The following TLN2 variants were observed in gnomAD, a reference collection of about 807,000 sequenced individuals.
TLN2 encodes talin 2, also known as talin-2.
Under a neutral mutation model 294.7 loss-of-function variants are expected in TLN2, and 118 were observed. The observed-to-expected ratio is 0.40, with a 90% CI of 0.34 to 0.47. The LOEUF (loss-of-function observed/expected upper bound fraction) is 0.47, where lower values mean the gene tolerates loss of function less well. Ranked by LOEUF, TLN2 falls within the 20% of genes least tolerant of loss-of-function variation. TLN2 has a pLI of 0.84. For missense variants in TLN2, 3,083 were observed against 3,282.2 expected (o/e 0.94, Z 1.48); for synonymous variants, 1,431 against 1,304.5 (o/e 1.10, Z -2.09).
At chr15:62,591,271 C>T (rs965108972) in intron 2 of TLN2, among the ~76,000 whole-genome samples, 2 of 152,186 alleles carry the variant, frequency 1.3e-5, no homozygotes, top group Non-Finnish European at 2.9e-5. Context: ...AGTCCAGTGA[C>T]TAGCAGCCAT....
intron 3 of TLN2, among the ~76,000 whole-genome samples, chr15:62,645,758 A>C (rs931997093): frequency 1.3e-5 from 2 of 152,200 alleles, no homozygotes; most frequent in Admixed American, 1.3e-4. Context: ...GTTCTCTCAT[A>C]AAACACAAGA....
intron 44 of TLN2, among the ~76,000 whole-genome samples, chr15:62,782,650 C>T (rs541661181): frequency 2.2e-4 from 33 of 152,304 alleles, no homozygotes; most frequent in African/African-American, 7.7e-4. Context: ...GTTGGCAGGT[C>T]GCAGTGGAGC....
At position 62,643,934 on chromosome 15, in the gene TLN2, T is replaced by C. The variant is rs1314955243; in HGVS notation, c.-36-3341T>C. Among the ~76,000 whole-genome samples the C allele has an allele frequency of 2.0e-5, 3 of 152,064 alleles. No individual in the cohort carries two copies. In the East Asian group the frequency reaches 5.8e-4, roughly 29 times the overall value. On this transcript the variant is annotated intron_variant, in intron 3 of 58. Coordinates refer to ENST00000636159, the MANE Select transcript of TLN2 (RefSeq NM_015059.3). Reference sequence around the variant, plus strand: ...GACTGTCTCTAGGACTATAATAAGGTGGAAACCATGTCTATGTAGATAACT... The same window carrying C: ...GACTGTCTCTAGGACTATAATAAGGCGGAAACCATGTCTATGTAGATAACT...
At chr15:62,509,058 T>C (rs967296138) in intron 1 of TLN2, among the ~76,000 whole-genome samples, 9 of 152,202 alleles carry the variant, frequency 5.9e-5, no homozygotes, top group African/African-American at 1.9e-4. Flanking sequence ...ATAAAGAAAC[T>C]AAACTATAGA....
chr15:62,576,497 A>G (rs1398423006), intron 1 of TLN2, among the ~76,000 whole-genome samples: 1 of 151,778 alleles, frequency 6.6e-6, no homozygotes, highest in African/African-American at 2.4e-5. Flanking sequence ...TAGACTGGCC[A>G]TCTCATCCAA....
Position 62,732,162 on chromosome 15 carries a change from A to G in TLN2, c.3359-4716A>G, listed in dbSNP as rs529725489. Among the ~76,000 whole-genome samples the G allele has an allele frequency of 2.6e-5, 4 of 152,338 alleles. No individual in the cohort carries two copies. The South Asian group carries it at 8.3e-4, about 32-fold the overall frequency. Reference sequence around the variant, plus strand: ...GGTAATATGAGAGATTTAAATTTCAAAAATGTCTACACTTTCCCGAAATCT... The same window carrying G: ...GGTAATATGAGAGATTTAAATTTCAGAAATGTCTACACTTTCCCGAAATCT... On this transcript the variant is annotated intron_variant, in intron 28 of 58. Coordinates refer to ENST00000636159, the MANE Select transcript of TLN2 (RefSeq NM_015059.3).
intron 16 of TLN2, 49 bp from the exon 17 acceptor site, chr15:62,701,057 T>A (rs751532430): frequency 9.8e-6 from 15 of 1,528,028 alleles, no homozygotes; most frequent in Non-Finnish European, 1.3e-5. Context: ...TCCGGTCTCC[T>A]GGGTAATTCT....
chr15:62,560,969 G>A (rs1015648379), intron 1 of TLN2, among the ~76,000 whole-genome samples: 2 of 152,232 alleles, frequency 1.3e-5, no homozygotes, highest in Non-Finnish European at 2.9e-5. Flanking sequence ...GGGAAAAAAT[G>A]ATTTGCCTTT....
intron 54 of TLN2, chr15:62,828,356 A>G (rs979832269): frequency 6.6e-6 from 1 of 151,434 alleles, no homozygotes; most frequent in African/African-American, 2.4e-5. Context: ...AGCCTTTTCA[A>G]ATGAAGGGGA....
intron 24 of TLN2, among the ~76,000 whole-genome samples, chr15:62,718,743 G>A (rs1567446237): frequency 1.3e-5 from 2 of 152,186 alleles, no homozygotes; most frequent in South Asian, 2.1e-4. Flanking sequence ...CTGCTAGCAG[G>A]GGTGAAAACT....
intron 1 of TLN2, among the ~76,000 whole-genome samples, chr15:62,460,676 A>G (rs1416713374): frequency 6.6e-6 from 1 of 152,226 alleles, no homozygotes; most frequent in East Asian, 1.9e-4. Context: ...TGGCTTTATT[A>G]AGAAAAATAA....
At chr15:62,428,474 G>A (rs996280934) in intron 1 of TLN2, among the ~76,000 whole-genome samples, 5 of 152,228 alleles carry the variant, frequency 3.3e-5, no homozygotes, top group African/African-American at 1.2e-4. Context: ...GTAGGAGCAG[G>A]ATTGTAAACT....
chr15:62,756,752 A>G lies in TLN2; in HGVS notation c.4638+1059A>G, dbSNP rs999434109. ...GTTTTGACTACAAAAAGCCAGTGCA[A>G]TTGCATGCAGAAATCAGTCAACAGG... On this transcript the variant is annotated intron_variant, in intron 37 of 58. Coordinates refer to ENST00000636159, the MANE Select transcript of TLN2 (RefSeq NM_015059.3). Among the ~76,000 whole-genome samples the G allele has an allele frequency of 5.3e-5, 8 of 152,218 alleles. No individual in the cohort carries two copies. The South Asian group carries it at 6.2e-4, about 12-fold the overall frequency.
intron 4 of TLN2, 159 bp from the exon 5 acceptor site, chr15:62,649,925 T>C: frequency 1.5e-6 from 1 of 663,046 alleles, no homozygotes; most frequent in Non-Finnish European, 2.6e-6. Context: ...CCAGATCTGC[T>C]CCAGCCCTGA....
intron 28 of TLN2, among the ~76,000 whole-genome samples, chr15:62,730,655 G>A (rs2060673453): frequency 6.6e-6 from 1 of 152,142 alleles, no homozygotes; most frequent in East Asian, 1.9e-4. Flanking sequence ...TTTTCTTCCA[G>A]CACTTTGGAG....
At chr15:62,499,604 C>T (rs1404172433) in intron 1 of TLN2, among the ~76,000 whole-genome samples, 1 of 152,064 alleles carries the variant, frequency 6.6e-6, no homozygotes, top group Non-Finnish European at 1.5e-5. Context: ...AGCAAGGTTT[C>T]TCTTCTTTGT....
At chr15:62,607,750 TGC>T (rs137877075) in intron 2 of TLN2, among the ~76,000 whole-genome samples, 2,494 of 152,270 alleles carry the variant, frequency 0.016, 46 homozygotes, top group South Asian at 0.068. Context: ...TGTGTGTGTG[TGC>T]ACAAGTCCAT....
At chr15:62,581,019 G>C (rs745352006) in intron 1 of TLN2, among the ~76,000 whole-genome samples, 4 of 151,628 alleles carry the variant, frequency 2.6e-5, no homozygotes, top group Non-Finnish European at 5.9e-5. Flanking sequence ...AGGTAGCTGG[G>C]ATTACAGGCG....
At chr15:62,519,898 A>G (rs2040373412) in intron 1 of TLN2, among the ~76,000 whole-genome samples, 1 of 152,210 alleles carries the variant, frequency 6.6e-6, no homozygotes, top group Non-Finnish European at 1.5e-5. Flanking sequence ...CATACTTGAG[A>G]CTGGGTAATT....
Sources: allele counts gnomAD v4.1 joint callset (sites outside exome capture counted in the v4.1 genomes callset), GRCh38; gene constraint gnomAD v4.1.1; transcripts MANE v1.5; gene names NCBI Gene and HGNC (gene_info 2026-07-23, HGNC 2026-07-21).